Variants in CSGALNACT1 observed in about 807,000 individuals in gnomAD.
CSGALNACT1 encodes chondroitin sulfate N-acetylgalactosaminyltransferase 1.
A neutral mutation model predicts 51.0 loss-of-function variants in CSGALNACT1; 52 were observed. The ratio of observed to expected loss-of-function variants is 1.02; its 90% CI spans 0.82 to 1.29. The LOEUF is 1.29. CSGALNACT1 is among the 50% of genes most tolerant of loss of function. The pLI, the probability that CSGALNACT1 is intolerant of heterozygous loss-of-function variation, is 0.00. For synonymous variants in CSGALNACT1, 341 were observed against 254.4 expected, an observed-to-expected ratio of 1.34 and a Z score of -3.24; for missense variants, 935 against 679.2, an observed-to-expected ratio of 1.38 and a Z score of -4.19.
chr8:19,569,712 T>C (rs2042607019), intron 3 of CSGALNACT1, among the ~76,000 whole-genome samples: 1 of 152,154 alleles, frequency 6.6e-6, no homozygotes, highest in Non-Finnish European at 1.5e-5. Flanking sequence ...AGGCCTATGC[T>C]ATGACCCAGT....
At chr8:19,597,895 A>T (rs1196994438) in intron 2 of CSGALNACT1, among the ~76,000 whole-genome samples, 5 of 152,388 alleles carry the variant, frequency 3.3e-5, no homozygotes, top group African/African-American at 1.2e-4. Flanking sequence ...AAGGGCAAAC[A>T]TCTAACCAGT....
intron 4 of CSGALNACT1, among the ~76,000 whole-genome samples, chr8:19,460,076 A>C (rs1285222826): frequency 6.6e-6 from 1 of 152,148 alleles, no homozygotes; most frequent in East Asian, 1.9e-4. Flanking sequence ...TGGTATTATG[A>C]ATGTTTTCTC....
intron 4 of CSGALNACT1, among the ~76,000 whole-genome samples, chr8:19,480,040 C>G (rs118070772): frequency 6.6e-6 from 1 of 152,166 alleles, no homozygotes; most frequent in Non-Finnish European, 1.5e-5. Flanking sequence ...TTACAAATAA[C>G]TACAACAATG....
intron 6 of CSGALNACT1, among the ~76,000 whole-genome samples, chr8:19,430,201 T>G (rs1388878483): frequency 1.3e-5 from 2 of 152,232 alleles, no homozygotes; most frequent in African/African-American, 4.8e-5. Context: ...TTAATTTTGA[T>G]AAAGTTCAAC....
chr8:19,511,896 G>C (rs2078536369), intron 3 of CSGALNACT1, among the ~76,000 whole-genome samples: 1 of 152,148 alleles, frequency 6.6e-6, no homozygotes, highest in East Asian at 1.9e-4. Flanking sequence ...AGACAGAAGG[G>C]GGAAGTGTTA....
chr8:19,446,403 C>T (rs1373786490), intron 5 of CSGALNACT1, among the ~76,000 whole-genome samples: 2 of 152,100 alleles, frequency 1.3e-5, no homozygotes, highest in Admixed American at 6.6e-5. Context: ...TTCCTAAGAT[C>T]CCTCCAGGGA....
In CSGALNACT1 at chr8:19,422,412, G is replaced by T. The variant is rs1310954589; in HGVS notation, c.954-1894C>A. ...GTCTCACTTTGTTGCCCAACTCTTG[G>T]CTTCATGCGGTACTACTGCCTCGGC... is the stretch of plus-strand genomic sequence containing the variant. On this transcript the variant is annotated intron_variant, in intron 6 of 9. Coordinates refer to ENST00000454498, the Ensembl canonical transcript of CSGALNACT1. Among the ~76,000 whole-genome samples the T allele has an allele frequency of 2.6e-5, 4 of 152,048 alleles. No homozygotes were observed. The East Asian group carries it at 7.7e-4, about 29-fold the overall frequency.
chr8:19,572,785 A>C (rs1269658528), intron 3 of CSGALNACT1, among the ~76,000 whole-genome samples: 1 of 152,250 alleles, frequency 6.6e-6, no homozygotes, highest in African/African-American at 2.4e-5. Context: ...ATCTGGGGTC[A>C]CTGATAATTG....
intron 5 of CSGALNACT1, among the ~76,000 whole-genome samples, chr8:19,452,147 T>C (rs2063293270): frequency 6.6e-6 from 1 of 152,186 alleles, no homozygotes; most frequent in African/African-American, 2.4e-5. Flanking sequence ...AAATGGAAGT[T>C]TCTACATTAG....
intron 4 of CSGALNACT1, among the ~76,000 whole-genome samples, chr8:19,471,129 G>T (rs2068054952): frequency 6.6e-6 from 1 of 151,534 alleles, no homozygotes; most frequent in Non-Finnish European, 1.5e-5. Flanking sequence ...GAGAGAGAGG[G>T]GAGAGAGAGA....
rs538221606 is a variant in CSGALNACT1 at position 19,555,967 on chromosome 8, C to G, written c.-297+35193G>C. On this transcript the variant is annotated intron_variant, in intron 3 of 9. Transcript: ENST00000454498. ...GGCTTCTCGAGTCCCATTTTTAAAA[C>G]AGCCATCAGGAACCGGCATTCTGTG... 6.6e-5 allele frequency among the ~76,000 whole-genome samples: 10 copies of G among 152,282 alleles called. 1 individual carries two copies. Among genetic ancestry groups the G allele is most frequent in the African/African-American group, 2.4e-4 (10 of 41,550 alleles).
intron 1 of CSGALNACT1, among the ~76,000 whole-genome samples, chr8:19,662,995 G>C (rs567396493): frequency 7.1e-4 from 108 of 152,252 alleles, no homozygotes; most frequent in Middle Eastern, 6.8e-3. Context: ...AAAGGAAAGG[G>C]GGAAAAAAGT....
Position 19,450,282 on chromosome 8 carries a change from GGGAGGAGGAGAA to G in CSGALNACT1, c.851+8132_851+8143del, listed in dbSNP as rs1468601998. Among the ~76,000 whole-genome samples, 103 of 141,806 alleles carry G rather than the reference GGGAGGAGGAGAA, an allele frequency of 7.3e-4. 1 individual carries two copies. The highest frequency in any genetic ancestry group is 2.5e-3 in the African/African-American group (97 of 38,074). 93.0% of individuals were successfully genotyped at this position (141,806 alleles called of 152,430 possible). On this transcript the variant is annotated intron_variant, in intron 5 of 9. Transcript: ENST00000454498. ...ACAGGGGAGGAGAGGGGGGAGGAGA[GGGAGGAGGAGAA>G]GGAGGAGGAGGAATAGGAGGAGGAG...
rs142593107 is a variant in CSGALNACT1 at position 19,673,941 on chromosome 8, G to C, written c.-544+8532C>G. Among the ~76,000 whole-genome samples, 926 of 152,298 alleles carry C rather than the reference G, an allele frequency of 6.1e-3. 10 individuals are homozygous for C. Among genetic ancestry groups the C allele is most frequent in the African/African-American group, 0.02 (828 of 41,558 alleles). ...ATATATTACTGAAAAGATAAATGCA[G>C]AGAACTTGTCATCTAAGAGCTTAGG... On this transcript the variant is annotated intron_variant, in intron 1 of 9. Coordinates refer to the CSGALNACT1 transcript ENST00000332246.
intron 1 of CSGALNACT1, among the ~76,000 whole-genome samples, chr8:19,735,429 C>G (rs1277253463): frequency 1.3e-5 from 2 of 152,066 alleles, no homozygotes; most frequent in Non-Finnish European, 2.9e-5. Flanking sequence ...CATTAACATT[C>G]CCACAGATAA....
intron 3 of CSGALNACT1, among the ~76,000 whole-genome samples, chr8:19,526,913 C>T (rs892059331): frequency 2.6e-5 from 4 of 152,146 alleles, no homozygotes; most frequent in African/African-American, 4.8e-5. Context: ...AGACAACCTT[C>T]GGTTTAACAA....
chr8:19,476,632 A>G (rs993437412), intron 4 of CSGALNACT1, among the ~76,000 whole-genome samples: 1 of 152,128 alleles, frequency 6.6e-6, no homozygotes, highest in Non-Finnish European at 1.5e-5. Flanking sequence ...TAACTGCATG[A>G]CCTAAGAGAA....
intron 6 of CSGALNACT1, among the ~76,000 whole-genome samples, chr8:19,434,968 T>C (rs897466251): frequency 1.3e-5 from 2 of 151,842 alleles, no homozygotes; most frequent in Non-Finnish European, 2.9e-5. Context: ...TTGAAAGAGG[T>C]GTGAAATGCT....
At chr8:19,704,971 C>T (rs529807518) in intron 1 of CSGALNACT1, among the ~76,000 whole-genome samples, 1 of 152,154 alleles carries the variant, frequency 6.6e-6, no homozygotes, top group Non-Finnish European at 1.5e-5. Flanking sequence ...TTAAATGATG[C>T]AAACTTTCCA....
Sources: gnomAD v4.1 joint callset for allele counts (sites outside exome capture counted in the v4.1 genomes callset) on GRCh38, gnomAD v4.1.1 for gene constraint, MANE v1.5 for transcripts, NCBI Gene and HGNC (gene_info 2026-07-23, HGNC 2026-07-21) for gene names.